Variants in CCL11 observed in about 807,000 individuals in gnomAD.
The protein encoded by CCL11 is eotaxin.
CCL11 carries 7 observed loss-of-function variants against 7.3 expected under a neutral mutation model. The ratio of observed to expected loss-of-function variants is 0.96; its 90% CI spans 0.55 to 1.81. The LOEUF is 1.81. Among genes scored for constraint, CCL11 ranks in the 40% most tolerant of loss-of-function variants. The pLI is 0.00. For missense variants in CCL11, 132 were observed against 114.2 expected (o/e 1.16, Z -0.71); for synonymous variants, 66 against 45.2 (o/e 1.46, Z -1.84).
At position 34,285,856 on chromosome 17, in the gene CCL11, C is replaced by T. The variant is rs746527143; in HGVS notation, c.48C>T (p.Ala16=). 9.9e-6 allele frequency: 16 copies of T among 1,612,384 alleles called. No homozygotes were observed. The highest frequency in any genetic ancestry group is 2.7e-5 in the African/African-American group (2 of 74,992). ...TGTGGCTGCTGCTCATAGCAGCTGCCTTCAGCCCCCAGGGGCTCGCTGGGC... is the reference window on the plus strand; with the variant it reads ...TGTGGCTGCTGCTCATAGCAGCTGCTTTCAGCCCCCAGGGGCTCGCTGGGC... ...ALLWLLLIAA[A]FSPQGLAGPA... Residue 16 remains alanine, a synonymous_variant, in exon 1 of 3, where the codon GCC becomes GCT. Transcript: ENST00000305869.
Position 34,287,826 on chromosome 17 carries a change from T to TAA in CCL11, c.*136_*137insAA, listed in dbSNP as rs1567648659. On this transcript the variant is annotated 3_prime_UTR_variant, in exon 3 of 3. Transcript: ENST00000305869. ...TTATTATATATATATATTTTTTTTT[T>TAA]TAAAAAAAAAACGTATTGCATTTAA... The TAA allele has an allele frequency of 1.7e-3, 417 of 245,678 alleles. No individual in the cohort carries two copies. The highest frequency in any genetic ancestry group is 2.2e-3 in the Non-Finnish European group (320 of 147,570). The allele number at this position is 245,678 out of a possible 1,614,324, so 15.2% of individuals were successfully genotyped here.
At position 34,285,867 on chromosome 17, in the gene CCL11, A is replaced by T. The variant is rs201817073; in HGVS notation, c.59A>T (p.Gln20Leu). 5 of 1,611,682 alleles carry T rather than the reference A, an allele frequency of 3.1e-6. No homozygotes were observed. In the African/African-American group the frequency reaches 6.7e-5, roughly 22 times the overall value. Reference sequence around the variant, plus strand: ...CTCATAGCAGCTGCCTTCAGCCCCCAGGGGCTCGCTGGGCCAGGTAAGCCC... The same window carrying T: ...CTCATAGCAGCTGCCTTCAGCCCCCTGGGGCTCGCTGGGCCAGGTAAGCCC... ...LLLIAAAFSP[Q>L]GLAGPASVPT... Residue 20 changes from glutamine (Q) to leucine (L), a missense_variant, in exon 1 of 3, where the codon CAG becomes CTG. By Grantham distance (113) the Gln-to-Leu change is moderately radical. Coordinates refer to ENST00000305869, the MANE Select transcript of CCL11 (RefSeq NM_002986.3).
chr17:34,287,979 C>T lies in CCL11; in HGVS notation c.*289C>T, dbSNP rs566855110. ...CTGTCACGTGTGGGCAATGTTCCCC[C>T]TCTCCTCTCTTCCTCCCTGGAATCT... On this transcript the variant is annotated 3_prime_UTR_variant, in exon 3 of 3. Transcript: ENST00000305869. The T allele has an allele frequency of 5.9e-6, 1 of 169,500 alleles. No individual in the cohort carries two copies. Among genetic ancestry groups the T allele is most frequent in the Non-Finnish European group, 1.2e-5 (1 of 80,046 alleles). 10.5% of individuals were successfully genotyped at this position (169,500 alleles called of 1,614,324 possible). A position where few individuals can be genotyped will look rare whatever the true frequency, so the allele number is the denominator to read the frequency against.
Position 34,287,807 on chromosome 17 carries a change from T to TAG in CCL11, c.*118_*119insGA. The stretch of plus-strand genomic sequence containing the variant: ...AGTCCAAAGGGCATGGGTTTTATTA[T>TAG]ATATATATATTTTTTTTTTTAAAAA... On this transcript the variant is annotated 3_prime_UTR_variant, in exon 3 of 3. Transcript: ENST00000305869. 3.1e-6 allele frequency: 1 copy of TAG among 325,862 alleles called. No homozygotes were observed. The allele number at this position is 325,862 out of a possible 1,614,324, so 20.2% of individuals were successfully genotyped here.
In CCL11 at chr17:34,288,070, C is replaced by G. The variant is rs1908702148; in HGVS notation, c.*380C>G. 1.3e-5 allele frequency: 2 copies of G among 153,020 alleles called. No individual in the cohort carries two copies. The highest frequency in any genetic ancestry group is 4.8e-5 in the African/African-American group (2 of 41,386). The allele number at this position is 153,020 out of a possible 1,614,324, so 9.5% of individuals were successfully genotyped here. On this transcript the variant is annotated 3_prime_UTR_variant, in exon 3 of 3. Coordinates refer to ENST00000305869, the MANE Select transcript of CCL11 (RefSeq NM_002986.3). ...TTGTTCTTGTGAACCCAAAGTGTGA[C>G]TCATTAAATGGAAGTAAATGTTGTT...
At chr17:34,287,238 CA>C (rs373131160) in intron 2 of CCL11, 31 bp downstream of exon 2, 60 of 1,467,550 alleles carry the variant, frequency 4.1e-5, no homozygotes, top group African/African-American at 6.9e-5. Context: ...CTCCCCTAGA[CA>C]AAAAAATAAT....
Position 34,287,827 on chromosome 17 carries a change from T to TAA in CCL11, c.*146_*147dup, listed in dbSNP as rs35429363. 9,242 of 287,064 alleles carry TAA rather than the reference T, an allele frequency of 0.032. 805 individuals carry two copies. The highest frequency in any genetic ancestry group is 0.2 in the African/African-American group (8,350 of 42,016). 17.8% of individuals were successfully genotyped at this position (287,064 alleles called of 1,614,324 possible). The stretch of plus-strand genomic sequence containing the variant: ...TATTATATATATATATTTTTTTTTT[T>TAA]AAAAAAAAAACGTATTGCATTTAAT... On this transcript the variant is annotated 3_prime_UTR_variant, in exon 3 of 3. Coordinates refer to ENST00000305869, the MANE Select transcript of CCL11 (RefSeq NM_002986.3).
chr17:34,287,288 G>T, intron 2 of CCL11, 81 bp downstream of exon 2: 1 of 1,002,976 alleles, frequency 1.0e-6, no homozygotes, highest in Non-Finnish European at 1.6e-6. Context: ...CACAGTTGCT[G>T]GGAGTCATAG....
At position 34,287,611 on chromosome 17, in the gene CCL11, T is replaced by A. The variant is rs1403768322; in HGVS notation, c.215T>A (p.Ile72Asn). Residue 72 changes from isoleucine (I) to asparagine (N), a missense_variant, in exon 3 of 3, where the codon ATC (isoleucine) becomes AAC (asparagine). Coordinates refer to ENST00000305869, the MANE Select transcript of CCL11 (RefSeq NM_002986.3). ...TTCAAGACCAAACTGGCCAAGGATA[T>A]CTGTGCCGACCCCAAGAAGAAGTGG... ...VIFKTKLAKD[I>N]CADPKKKWVQ... 1 of 1,613,914 alleles carries A rather than the reference T, an allele frequency of 6.2e-7. No homozygotes were observed. The highest frequency in any genetic ancestry group is 8.5e-7 in the Non-Finnish European group (1 of 1,179,892).
rs1308636136 is a variant in CCL11 at position 34,287,821 on chromosome 17, T to A, written c.*131T>A. Reference sequence around the variant, plus strand: ...GGGTTTTATTATATATATATATTTTTTTTTTTAAAAAAAAAACGTATTGCA... The same window carrying A: ...GGGTTTTATTATATATATATATTTTATTTTTTAAAAAAAAAACGTATTGCA... On this transcript the variant is annotated 3_prime_UTR_variant, in exon 3 of 3. Coordinates refer to ENST00000305869, the MANE Select transcript of CCL11 (RefSeq NM_002986.3). 251 of 306,300 alleles carry A rather than the reference T, an allele frequency of 8.2e-4. No homozygotes were observed. The highest frequency in any genetic ancestry group is 1.1e-3 in the Admixed American group (21 of 19,310). 19.0% of individuals were successfully genotyped at this position (306,300 alleles called of 1,614,324 possible).
Position 34,285,866 on chromosome 17 carries a change from C to G in CCL11, c.58C>G (p.Gln20Glu). 6.2e-7 allele frequency: 1 copy of G among 1,611,832 alleles called. No individual in the cohort carries two copies. The highest frequency in any genetic ancestry group is 8.5e-7 in the Non-Finnish European group (1 of 1,178,850). Residue 20 changes from glutamine to glutamate, a missense_variant, in exon 1 of 3, where the codon CAG becomes GAG. Coordinates refer to ENST00000305869, the MANE Select transcript of CCL11 (RefSeq NM_002986.3). ...LLLIAAAFSP[Q>E]GLAGPASVPT... is the part of the protein sequence containing the mutation. ...GCTCATAGCAGCTGCCTTCAGCCCC[C>G]AGGGGCTCGCTGGGCCAGGTAAGCC...
At position 34,287,617 on chromosome 17, in the gene CCL11, C is replaced by T; in HGVS notation, c.221C>T (p.Ala74Val). Reference sequence around the variant, plus strand: ...ACCAAACTGGCCAAGGATATCTGTGCCGACCCCAAGAAGAAGTGGGTGCAG... The same window carrying T: ...ACCAAACTGGCCAAGGATATCTGTGTCGACCCCAAGAAGAAGTGGGTGCAG... ...FKTKLAKDIC[A>V]DPKKKWVQDS... Residue 74 changes from alanine to valine, a missense_variant, in exon 3 of 3, where the codon GCC (alanine) becomes GTC (valine). By Grantham distance (64) the Ala-to-Val change is moderately conservative (BLOSUM62 0). Coordinates refer to ENST00000305869, the MANE Select transcript of CCL11 (RefSeq NM_002986.3). 3 of 1,613,704 alleles carry T rather than the reference C, an allele frequency of 1.9e-6. No homozygotes were observed. The highest frequency in any genetic ancestry group is 4.5e-5 in the East Asian group (2 of 44,862).
In CCL11 at chr17:34,285,807, A is replaced by G. The variant is rs1404156506; in HGVS notation, c.-2A>G. ...CCAAAGCTCACACCTTCAGCCTCCA[A>G]CATGAAGGTCTCCGCAGCACTTCTG... On this transcript the variant is annotated 5_prime_UTR_variant, in exon 1 of 3. Transcript: ENST00000305869. The G allele has an allele frequency of 1.2e-6, 2 of 1,610,752 alleles. No homozygotes were observed. The highest frequency in any genetic ancestry group is 1.7e-6 in the Non-Finnish European group (2 of 1,178,110).
Position 34,287,503 on chromosome 17 carries a change from C to T in CCL11, c.189-82C>T, listed in dbSNP as rs893127998. 53 of 955,670 alleles carry T rather than the reference C, an allele frequency of 5.5e-5. No homozygotes were observed. The Admixed American group carries it at 8.4e-4, about 15-fold the overall frequency. The allele number at this position is 955,670 out of a possible 1,614,324, so 59.2% of individuals were successfully genotyped here. ...TCCGTAGCAACCCTTTGTCCAGGGG[C>T]AGATGGTCCTTAAATATTTAGGGTC... On this transcript the variant is annotated intron_variant, in intron 2 of 2. Coordinates refer to ENST00000305869, the MANE Select transcript of CCL11 (RefSeq NM_002986.3).
chr17:34,287,781 CA>C lies in CCL11; in HGVS notation c.*92del. 1 of 743,176 alleles carries C rather than the reference CA, an allele frequency of 1.3e-6. No homozygotes were observed. Among genetic ancestry groups the C allele is most frequent in the Non-Finnish European group, 2.4e-6 (1 of 413,162 alleles). 46.0% of individuals were successfully genotyped at this position (743,176 alleles called of 1,614,324 possible). On this transcript the variant is annotated 3_prime_UTR_variant, in exon 3 of 3. Transcript: ENST00000305869. ...ATGCATTCTGAGGTAACCTCATTAT[CA>C]GTCCAAAGGGCATGGGTTTTATTAT... is the stretch of plus-strand genomic sequence containing the variant.
chr17:34,287,490 C>T, intron 2 of CCL11, 95 bp from the exon 3 acceptor site: 1 of 879,052 alleles, frequency 1.1e-6, no homozygotes, highest in Non-Finnish European at 1.9e-6. Context: ...CGTAGCAACC[C>T]TTTGTCCAGG....
At chr17:34,287,350 TG>T in intron 2 of CCL11, 143 bp downstream of exon 2, 1 of 676,278 alleles carries the variant, frequency 1.5e-6, no homozygotes, top group Non-Finnish European at 2.6e-6. Flanking sequence ...CACAAGTGAG[TG>T]TTCACTCCCA....
At position 34,287,901 on chromosome 17, in the gene CCL11, A is replaced by T. The variant is rs1908695688; in HGVS notation, c.*211A>T. 1 of 231,526 alleles carries T rather than the reference A, an allele frequency of 4.3e-6. No individual in the cohort carries two copies. The highest frequency in any genetic ancestry group is 5.6e-5 in the Admixed American group (1 of 17,914). The allele number at this position is 231,526 out of a possible 1,614,324, so 14.3% of individuals were successfully genotyped here. ...CTCCATGAATATCAGTTATTTTTAA[A>T]CTGTAAAGCTTTGTGCAGATTCTTT... On this transcript the variant is annotated 3_prime_UTR_variant, in exon 3 of 3. Coordinates refer to ENST00000305869, the MANE Select transcript of CCL11 (RefSeq NM_002986.3).
chr17:34,287,584 G>A lies in CCL11; in HGVS notation c.189-1G>A. ...CCAATTGCATCCTGTATCTCCCACAGCTTCAAGACCAAACTGGCCAAGGAT... is the reference window on the plus strand; with the variant it reads ...CCAATTGCATCCTGTATCTCCCACAACTTCAAGACCAAACTGGCCAAGGAT... On this transcript the variant is annotated splice_acceptor_variant, in intron 2 of 2. Coordinates refer to ENST00000305869, the MANE Select transcript of CCL11 (RefSeq NM_002986.3). LOFTEE classifies it high-confidence loss of function. 2 of 1,610,782 alleles carry A rather than the reference G, an allele frequency of 1.2e-6. No individual in the cohort carries two copies. Among genetic ancestry groups the A allele is most frequent in the East Asian group, 2.2e-5 (1 of 44,842 alleles).
Sources: allele counts gnomAD v4.1 joint callset, GRCh38; gene constraint gnomAD v4.1.1; transcripts MANE v1.5; gene names NCBI Gene and HGNC (gene_info 2026-07-23, HGNC 2026-07-21).